PDZRN4: variants seen among roughly 807,000 people sequenced by gnomAD.
PDZRN4 encodes the protein PDZ domain-containing RING finger protein 4.
Under a neutral mutation model 99.0 loss-of-function variants are expected in PDZRN4, and 70 were observed. The ratio of observed to expected loss-of-function variants is 0.71; its 90% confidence interval spans 0.58 to 0.86. The LOEUF (loss-of-function observed/expected upper bound fraction) is 0.86. Ranked by LOEUF, PDZRN4 falls within the 40% of genes least tolerant of loss-of-function variation. The probability of loss-of-function intolerance (pLI) is 0.00; values close to 1 mark genes in which losing one functional copy is unlikely to be tolerated. For missense variants in PDZRN4, 1,474 were observed against 1,331.2 expected (o/e 1.11, Z -1.67); for synonymous variants, 551 against 501.6 (o/e 1.10, Z -1.32).
chr12:41,280,302 C>T (rs1376208240), intron 3 of PDZRN4, among the ~76,000 whole-genome samples: 1 of 152,172 alleles, frequency 6.6e-6, no homozygotes, highest in Non-Finnish European at 1.5e-5. Context: ...TGGGCAGACA[C>T]TGAGCTAGCT....
intron 3 of PDZRN4, chr12:41,437,850 C>T: frequency 6.2e-7 from 1 of 1,606,422 alleles, no homozygotes; most frequent in Non-Finnish European, 8.5e-7. Context: ...TGATGAAAAA[C>T]AGTAGTCAAG....
At chr12:41,291,828 C>G (rs750011696) in intron 3 of PDZRN4, among the ~76,000 whole-genome samples, 7 of 151,796 alleles carry the variant, frequency 4.6e-5, no homozygotes, top group Non-Finnish European at 8.8e-5. Flanking sequence ...CATAGAGACC[C>G]CCTAATGTAG....
chr12:41,473,990 A>G (rs1167354209), intron 3 of PDZRN4, among the ~76,000 whole-genome samples: 3 of 152,242 alleles, frequency 2.0e-5, no homozygotes, highest in Non-Finnish European at 4.4e-5. Flanking sequence ...ATGAATGGCA[A>G]AATAAAAGTT....
chr12:41,209,570 C>A (rs1465536836), intron 3 of PDZRN4, among the ~76,000 whole-genome samples: 4 of 139,654 alleles, frequency 2.9e-5, no homozygotes, highest in Non-Finnish European at 1.5e-5. Flanking sequence ...TTGTTCAATT[C>A]CCACCTATGA....
intron 3 of PDZRN4, among the ~76,000 whole-genome samples, chr12:41,219,136 T>G (rs1048445792): frequency 3.3e-5 from 5 of 152,088 alleles, no homozygotes; most frequent in Admixed American, 1.3e-4. Flanking sequence ...ATACAGATCC[T>G]GCCTTTCAGG....
chr12:41,366,611 G>C (rs1565563505), intron 3 of PDZRN4, among the ~76,000 whole-genome samples: 1 of 151,908 alleles, frequency 6.6e-6, no homozygotes, highest in Non-Finnish European at 1.5e-5. Context: ...TTTCCTTTTG[G>C]GGTAACCTGT....
intron 3 of PDZRN4, among the ~76,000 whole-genome samples, chr12:41,254,902 A>G (rs1460733648): frequency 6.6e-6 from 1 of 152,188 alleles, no homozygotes; most frequent in Non-Finnish European, 1.5e-5. Flanking sequence ...CCTAGGCAAC[A>G]CAGGGAGACC....
In PDZRN4 at chr12:41,212,094, C is replaced by G. The variant is rs571418142; in HGVS notation, c.843+17906C>G. 2.0e-5 allele frequency among the ~76,000 whole-genome samples: 3 copies of G among 152,014 alleles called. No individual in the cohort carries two copies. The East Asian group carries it at 5.8e-4, about 30-fold the overall frequency. ...GCCTAATGGTGAGAGGGCTGAATCT[C>G]ATGTTAACTCAATCTTGCCTTATAC... On this transcript the variant is annotated intron_variant, in intron 3 of 9. Transcript: ENST00000402685.
intron 3 of PDZRN4, among the ~76,000 whole-genome samples, chr12:41,375,211 G>C (rs972773109): frequency 1.3e-5 from 2 of 152,156 alleles, no homozygotes; most frequent in Non-Finnish European, 2.9e-5. Flanking sequence ...CAGCTAAGCT[G>C]TTCTCAGACC....
intron 3 of PDZRN4, among the ~76,000 whole-genome samples, chr12:41,379,960 T>G (rs944825540): frequency 6.6e-6 from 1 of 152,096 alleles, no homozygotes; most frequent in South Asian, 2.1e-4. Context: ...CCTACTATTA[T>G]AAAATTGCTA....
At chr12:41,400,856 T>A (rs1488230650) in intron 3 of PDZRN4, among the ~76,000 whole-genome samples, 1 of 152,208 alleles carries the variant, frequency 6.6e-6, no homozygotes, top group African/African-American at 2.4e-5. Flanking sequence ...TATAGCCAAC[T>A]TGGCCAAAAT....
intron 5 of PDZRN4, among the ~76,000 whole-genome samples, chr12:41,527,317 C>T (rs1286917617): frequency 1.3e-5 from 2 of 152,094 alleles, no homozygotes; most frequent in Non-Finnish European, 2.9e-5. Context: ...TGGGCAGGAC[C>T]ATATAAGGAA....
At chr12:41,211,932 A>G (rs1019338363) in intron 3 of PDZRN4, among the ~76,000 whole-genome samples, 3 of 151,924 alleles carry the variant, frequency 2.0e-5, no homozygotes, top group African/African-American at 7.2e-5. Context: ...GTTTCTTTGT[A>G]TATTATTTCT....
At chr12:41,191,199 T>C (rs766096654) in intron 1 of PDZRN4, among the ~76,000 whole-genome samples, 3 of 152,222 alleles carry the variant, frequency 2.0e-5, no homozygotes, top group Non-Finnish European at 4.4e-5. Flanking sequence ...GAGCTTCCTG[T>C]CTCAAAATGC....
chr12:41,278,754 T>C (rs1951365423), intron 3 of PDZRN4, among the ~76,000 whole-genome samples: 1 of 152,202 alleles, frequency 6.6e-6, no homozygotes, highest in Non-Finnish European at 1.5e-5. Context: ...ACAACAACTG[T>C]TCCTAAGGAA....
chr12:41,209,968 G>C (rs933276907), intron 3 of PDZRN4, among the ~76,000 whole-genome samples: 8 of 151,130 alleles, frequency 5.3e-5, no homozygotes, highest in South Asian at 2.1e-4. Flanking sequence ...CACCAACAGT[G>C]TAAAAGTGTT....
At chr12:41,286,327 C>T (rs1951421934) in intron 3 of PDZRN4, among the ~76,000 whole-genome samples, 2 of 116,260 alleles carry the variant, frequency 1.7e-5, no homozygotes, top group African/African-American at 6.0e-5. Flanking sequence ...GATCATTTTC[C>T]TTCTTCTTCT....
intron 3 of PDZRN4, among the ~76,000 whole-genome samples, chr12:41,244,161 C>T (rs1171886153): frequency 6.6e-6 from 1 of 152,158 alleles, no homozygotes; most frequent in Admixed American, 6.5e-5. Context: ...AATACTCCCC[C>T]AATTTGGTAA....
At chr12:41,417,307 A>G (rs996634445) in intron 3 of PDZRN4, among the ~76,000 whole-genome samples, 1 of 152,228 alleles carries the variant, frequency 6.6e-6, no homozygotes, top group Non-Finnish European at 1.5e-5. Context: ...AGGCAATGCC[A>G]TCTTTGGCCA....
Sources: gnomAD v4.1 joint callset for allele counts (sites outside exome capture counted in the v4.1 genomes callset) on GRCh38, gnomAD v4.1.1 for gene constraint, MANE v1.5 for transcripts, NCBI Gene and HGNC (gene_info 2026-07-23, HGNC 2026-07-21) for gene names.